The following PIK3R5 variants were observed in gnomAD, a reference collection of about 807,000 sequenced individuals.
PIK3R5 encodes the protein phosphoinositide-3-kinase regulatory subunit 5.
A neutral mutation model predicts 94.9 loss-of-function variants in PIK3R5; 32 were observed. That is an observed-to-expected ratio of 0.34 (90% CI 0.25 to 0.45). The LOEUF is 0.45. Among genes scored for constraint, PIK3R5 ranks in the 20% least tolerant of loss-of-function variants. The pLI is 1.00. For synonymous variants in PIK3R5, 443 were observed against 479.4 expected (o/e 0.92, Z 0.99); for missense variants, 853 against 1,144.6 (o/e 0.75, Z 3.68).
At position 8,881,410 on chromosome 17, in the gene PIK3R5, A is replaced by C. The variant is rs1364261335; in HGVS notation, c.2382+220T>G. Among the ~76,000 whole-genome samples the C allele has an allele frequency of 6.6e-6, 1 of 150,804 alleles. No homozygotes were observed. Among genetic ancestry groups the C allele is most frequent in the Non-Finnish European group, 1.5e-5 (1 of 67,700 alleles). Reference sequence around the variant, plus strand: ...CACCCCTACCTCCCCGACACCCCGCAACACTCCACACCTGTGTGCATCCCC... The same window carrying C: ...CACCCCTACCTCCCCGACACCCCGCCACACTCCACACCTGTGTGCATCCCC... On this transcript the variant is annotated intron_variant, in intron 17 of 18. Transcript: ENST00000447110. This position sits in a 1 kb window ranked among gnomAD's most constrained non-coding sequence, Gnocchi z 4.8.
rs1021866476 is a variant in PIK3R5, at chr17:8,890,474, T to C, written c.657+264A>G. 6.6e-6 allele frequency among the ~76,000 whole-genome samples: 1 copy of C among 152,164 alleles called. No individual in the cohort carries two copies. The highest frequency in any genetic ancestry group is 2.4e-5 in the African/African-American group (1 of 41,428). On this transcript the variant is annotated intron_variant, in intron 7 of 18. Coordinates refer to ENST00000447110, the MANE Select transcript of PIK3R5 (RefSeq NM_001142633.3). The surrounding 1 kb of genome is among the most constrained non-coding windows in gnomAD (Gnocchi z 6.1). ...TGCCAGGTCTTCAGCCCAAAGCTCA[T>C]TCTCGTTCTTATGGCATATGCCATC... is the stretch of plus-strand genomic sequence containing the variant.
rs1220026340 is a variant in PIK3R5, at chr17:8,909,985, C to T, written c.104-811G>A. On this transcript the variant is annotated intron_variant, in intron 2 of 18. Coordinates refer to ENST00000447110, the MANE Select transcript of PIK3R5 (RefSeq NM_001142633.3). This position sits in a 1 kb window ranked among gnomAD's most constrained non-coding sequence, Gnocchi z 4.3. ...GGCAATGGAGCCCAGGAAGGGGAAG[C>T]TAAACGAGTTCTATTTTAAAAGCTG... 6.6e-6 allele frequency among the ~76,000 whole-genome samples: 1 copy of T among 152,250 alleles called. No individual in the cohort carries two copies. The highest frequency in any genetic ancestry group is 1.5e-5 in the Non-Finnish European group (1 of 68,044).
chr17:8,956,449 T>C (rs2091468196), intron 1 of PIK3R5, among the ~76,000 whole-genome samples: 1 of 152,040 alleles, frequency 6.6e-6, no homozygotes, highest in African/African-American at 2.4e-5. Context: ...ACAAGAAAAC[T>C]CTTGGAGAGC....
chr17:8,952,696 A>T (rs2091397260), intron 1 of PIK3R5, among the ~76,000 whole-genome samples: 1 of 152,254 alleles, frequency 6.6e-6, no homozygotes, highest in South Asian at 2.1e-4. Flanking sequence ...AATTATGGGC[A>T]TTATTACAAA....
At position 8,904,029 on chromosome 17, in the gene PIK3R5, G is replaced by A. The variant is rs1023574006; in HGVS notation, c.412+748C>T. Among the ~76,000 whole-genome samples the A allele has an allele frequency of 4.6e-5, 7 of 152,158 alleles. No individual in the cohort carries two copies. Among genetic ancestry groups the A allele is most frequent in the African/African-American group, 7.2e-5 (3 of 41,438 alleles). ...TATTAAAAGCACTTCTAGAGTAATC[G>A]TTTCCATATATTGAGGGGTTTTGAA... On this transcript the variant is annotated intron_variant, in intron 5 of 18. Transcript: ENST00000447110. This position sits in a 1 kb window ranked among gnomAD's most constrained non-coding sequence, Gnocchi z 5.1.
At chr17:8,926,060 A>T (rs980937475) in intron 1 of PIK3R5, among the ~76,000 whole-genome samples, 25 of 152,200 alleles carry the variant, frequency 1.6e-4, no homozygotes, top group Admixed American at 3.9e-4. Flanking sequence ...TCACAAAAAG[A>T]CACTGAGAAG....
At chr17:8,964,517 T>C (rs964935418) in intron 1 of PIK3R5, among the ~76,000 whole-genome samples, 1 of 152,130 alleles carries the variant, frequency 6.6e-6, no homozygotes, top group Non-Finnish European at 1.5e-5. Flanking sequence ...CTGGATCCGG[T>C]TGGAACTTGG....
At chr17:8,913,863 G>T (rs112612105) in intron 1 of PIK3R5, among the ~76,000 whole-genome samples, 1 of 152,310 alleles carries the variant, frequency 6.6e-6, no homozygotes, top group African/African-American at 2.4e-5. Flanking sequence ...ACCTCCACAG[G>T]TAGCTCAGGT....
intron 1 of PIK3R5, among the ~76,000 whole-genome samples, chr17:8,940,706 A>T (rs2091164207): frequency 6.6e-6 from 1 of 152,130 alleles, no homozygotes; most frequent in Non-Finnish European, 1.5e-5. Context: ...GATTACAGGC[A>T]TGAGCCATCA....
At chr17:8,949,038 A>G (rs1475088857) in intron 1 of PIK3R5, among the ~76,000 whole-genome samples, 2 of 152,156 alleles carry the variant, frequency 1.3e-5, no homozygotes, top group Admixed American at 6.5e-5. Flanking sequence ...GGTGAGATTC[A>G]GGCATGAATC....
Position 8,881,553 on chromosome 17 carries a change from A to G in PIK3R5, c.2382+77T>C. ...CATGCACACACATACATGTGCACAC[A>G]CACGTACACACATACGCACATGCAC... On this transcript the variant is annotated intron_variant, in intron 17 of 18. Transcript: ENST00000447110. The surrounding 1 kb of genome is among the most constrained non-coding windows in gnomAD (Gnocchi z 4.8). 1.8e-6 allele frequency: 2 copies of G among 1,092,412 alleles called. No homozygotes were observed. The highest frequency in any genetic ancestry group is 2.8e-6 in the Non-Finnish European group (2 of 724,646). 67.7% of individuals were successfully genotyped at this position (1,092,412 alleles called of 1,614,324 possible).
Position 8,886,327 on chromosome 17 carries a change from A to T in PIK3R5, c.2035-5T>A. Reference sequence around the variant, plus strand: ...CTCCCCAGTGATGAAGGTCAGCTGGAGAGGGCAGGAGCATGTACATCAGTG... The same window carrying T: ...CTCCCCAGTGATGAAGGTCAGCTGGTGAGGGCAGGAGCATGTACATCAGTG... On this transcript the variant is annotated splice_polypyrimidine_tract_variant and splice_region_variant and intron_variant, in intron 13 of 18. Coordinates refer to ENST00000447110, the MANE Select transcript of PIK3R5 (RefSeq NM_001142633.3). The T allele has an allele frequency of 1.2e-6, 2 of 1,611,548 alleles. No individual in the cohort carries two copies. Among genetic ancestry groups the T allele is most frequent in the Middle Eastern group, 1.7e-4 (1 of 6,060 alleles).
chr17:8,942,808 G>A (rs992969136), intron 1 of PIK3R5, among the ~76,000 whole-genome samples: 2 of 152,020 alleles, frequency 1.3e-5, no homozygotes, highest in African/African-American at 2.4e-5. Flanking sequence ...GGGTTTCACC[G>A]TGTTAGCCAG....
In PIK3R5 at chr17:8,904,228, C is replaced by G. The variant is rs1244033644; in HGVS notation, c.412+549G>C. 6.6e-6 allele frequency among the ~76,000 whole-genome samples: 1 copy of G among 152,222 alleles called. No individual in the cohort carries two copies. Among genetic ancestry groups the G allele is most frequent in the Non-Finnish European group, 1.5e-5 (1 of 68,042 alleles). On this transcript the variant is annotated intron_variant, in intron 5 of 18. Coordinates refer to ENST00000447110, the MANE Select transcript of PIK3R5 (RefSeq NM_001142633.3). This position sits in a 1 kb window ranked among gnomAD's most constrained non-coding sequence, Gnocchi z 5.1. ...TTAGACCTGATTTGCATGTCTATGA[C>G]AGCACCTGCAATTTCTGAAGAATTC...
chr17:8,933,900 A>G (rs1393354976), intron 1 of PIK3R5, among the ~76,000 whole-genome samples: 1 of 152,206 alleles, frequency 6.6e-6, no homozygotes, highest in Non-Finnish European at 1.5e-5. Context: ...AGCCTTTGAA[A>G]AAACTCAACC....
chr17:8,915,407 C>T (rs2090609734), intron 1 of PIK3R5, among the ~76,000 whole-genome samples: 1 of 144,348 alleles, frequency 6.9e-6, no homozygotes, highest in Non-Finnish European at 1.5e-5. Context: ...GAGCAAGACT[C>T]TGTCTCAAAA....
intron 1 of PIK3R5, among the ~76,000 whole-genome samples, chr17:8,931,392 A>C (rs1597414456): frequency 6.6e-6 from 1 of 152,198 alleles, no homozygotes; most frequent in Non-Finnish European, 1.5e-5. Flanking sequence ...AAGACTACCC[A>C]AAACAGCTGA....
At chr17:8,952,118 A>G (rs2091387724) in intron 1 of PIK3R5, among the ~76,000 whole-genome samples, 1 of 152,238 alleles carries the variant, frequency 6.6e-6, no homozygotes, top group Non-Finnish European at 1.5e-5. Flanking sequence ...ATGACACAAA[A>G]GGAACCTTGG....
At position 8,961,929 on chromosome 17, in the gene PIK3R5, C is replaced by T. The variant is rs912759538; in HGVS notation, c.-14+3667G>A. 6.6e-5 allele frequency among the ~76,000 whole-genome samples: 10 copies of T among 152,314 alleles called. No individual in the cohort carries two copies. The East Asian group carries it at 7.7e-4, about 12-fold the overall frequency. On this transcript the variant is annotated intron_variant, in intron 1 of 18. Coordinates refer to ENST00000447110, the MANE Select transcript of PIK3R5 (RefSeq NM_001142633.3). The stretch of plus-strand genomic sequence containing the variant: ...CTCACTTATCTGGAAGTCACTTAAC[C>T]GATAACCTCAACTATCCAGAACCTA...
Sources: gnomAD v4.1 joint callset for allele counts (sites outside exome capture counted in the v4.1 genomes callset) on GRCh38, gnomAD v4.1.1 for gene constraint, Gnocchi (gnomAD v3.1) non-coding constraint, MANE v1.5 for transcripts, NCBI Gene and HGNC (gene_info 2026-07-23, HGNC 2026-07-21) for gene names.